The following GALNTL6 variants were observed in gnomAD, a reference collection of about 807,000 sequenced individuals.
The protein encoded by GALNTL6 is polypeptide N-acetylgalactosaminyltransferase like 6.
A neutral mutation model predicts 73.7 loss-of-function variants in GALNTL6; 46 were observed. That is an observed-to-expected ratio of 0.62 (90% CI 0.49 to 0.80). The LOEUF is 0.80. Ranked by LOEUF, GALNTL6 falls within the 30% of genes least tolerant of loss-of-function variation. The probability of loss-of-function intolerance (pLI) is 0.00; values close to 1 mark genes in which losing one functional copy is unlikely to be tolerated. For synonymous variants in GALNTL6, 259 were observed against 263.7 expected (o/e 0.98, Z 0.17); for missense variants, 604 against 755.0 (o/e 0.80, Z 2.34).
At chr4:172,679,589 G>A (rs962512930) in intron 5 of GALNTL6, among the ~76,000 whole-genome samples, 1 of 152,118 alleles carries the variant, frequency 6.6e-6, no homozygotes. Context: ...CTCTGCAAAT[G>A]ATATTGTTCT....
chr4:171,887,172 T>TTTATAACA (rs1736629046), intron 2 of GALNTL6, among the ~76,000 whole-genome samples: 5 of 152,140 alleles, frequency 3.3e-5, no homozygotes, highest in Admixed American at 2.6e-4. Context: ...GATGAAGCCC[T>TTTATAACA]TTATAACATT....
chr4:171,923,578 T>TG (rs1216091663), intron 2 of GALNTL6, among the ~76,000 whole-genome samples: 1 of 150,014 alleles, frequency 6.7e-6, no homozygotes, highest in African/African-American at 2.5e-5. Context: ...TTTTTTTTTT[T>TG]TGTATTTTTA....
chr4:171,853,012 A>ATTTTTTTTTTTT (rs765984611), intron 2 of GALNTL6, among the ~76,000 whole-genome samples: 2,384 of 86,552 alleles, frequency 0.028, no homozygotes, highest in Non-Finnish European at 0.035. Context: ...CGCCCGGCTA[A>ATTTTTTTTTTTT]TTTTTTTTTT....
intron 5 of GALNTL6, among the ~76,000 whole-genome samples, chr4:172,568,822 A>G (rs538340039): frequency 5.3e-5 from 8 of 151,244 alleles, no homozygotes; most frequent in Non-Finnish European, 1.0e-4. Context: ...CCAACCCATG[A>G]CCTGTGGGCC....
chr4:172,614,930 T>TA (rs560301387), intron 5 of GALNTL6, among the ~76,000 whole-genome samples: 4 of 151,944 alleles, frequency 2.6e-5, no homozygotes, highest in African/African-American at 4.8e-5. Context: ...GCAGAAAGTT[T>TA]AAAAAAAATG....
At chr4:172,974,847 G>A (rs954167306) in intron 10 of GALNTL6, among the ~76,000 whole-genome samples, 10 of 152,222 alleles carry the variant, frequency 6.6e-5, no homozygotes, top group African/African-American at 2.4e-4. Context: ...CTGGCTCCCT[G>A]CAAGGCTGCA....
chr4:172,546,592 G>C (rs1735760905), intron 5 of GALNTL6, among the ~76,000 whole-genome samples: 1 of 151,128 alleles, frequency 6.6e-6, no homozygotes, highest in Non-Finnish European at 1.5e-5. Flanking sequence ...AGTAGACCTG[G>C]AAAAGGACTG....
intron 2 of GALNTL6, among the ~76,000 whole-genome samples, chr4:171,987,811 C>T (rs1221716650): frequency 6.6e-6 from 1 of 151,948 alleles, no homozygotes; most frequent in African/African-American, 2.4e-5. Context: ...GGGTGAGGAA[C>T]AGGAAAGAAG....
intron 2 of GALNTL6, among the ~76,000 whole-genome samples, chr4:172,099,373 G>A (rs915796035): frequency 1.3e-5 from 2 of 152,108 alleles, no homozygotes; most frequent in South Asian, 2.1e-4. Flanking sequence ...CTCAACATAA[G>A]CTCCATCAAA....
In GALNTL6 at chr4:172,201,001, A is replaced by G. The variant is rs200126703; in HGVS notation, c.139-28655A>G. Among the ~76,000 whole-genome samples the G allele has an allele frequency of 9.8e-5, 15 of 152,366 alleles. No homozygotes were observed. The East Asian group carries it at 2.9e-3, about 29-fold the overall frequency. The stretch of plus-strand genomic sequence containing the variant: ...GCAAGCTTTATTATTGTTAGTAAAT[A>G]GTATGCTCTATGAAAGAGAAGCTGA... On this transcript the variant is annotated intron_variant, in intron 2 of 12. Coordinates refer to ENST00000506823, the MANE Select transcript of GALNTL6 (RefSeq NM_001034845.3).
At chr4:172,760,965 AG>A (rs1738049989) in intron 5 of GALNTL6, among the ~76,000 whole-genome samples, 1 of 152,226 alleles carries the variant, frequency 6.6e-6, no homozygotes, top group Non-Finnish European at 1.5e-5. Context: ...GATGAGAGTA[AG>A]AAAAAGAGGC....
chr4:171,838,740 A>G (rs1735167388), intron 2 of GALNTL6, among the ~76,000 whole-genome samples: 1 of 152,212 alleles, frequency 6.6e-6, no homozygotes, highest in Admixed American at 6.6e-5. Context: ...GCTTGGCAAT[A>G]TAAAAGACAA....
intron 2 of GALNTL6, among the ~76,000 whole-genome samples, chr4:171,895,487 A>T (rs1024053914): frequency 6.6e-6 from 1 of 152,216 alleles, no homozygotes; most frequent in African/African-American, 2.4e-5. Context: ...TGCATAAAGC[A>T]GAGTCAGAGC....
intron 2 of GALNTL6, among the ~76,000 whole-genome samples, chr4:172,187,464 T>G (rs1735448103): frequency 6.6e-6 from 1 of 152,092 alleles, no homozygotes; most frequent in Non-Finnish European, 1.5e-5. Context: ...TCAAAATAGC[T>G]CAAATTCATT....
At chr4:172,143,905 A>T (rs1733862674) in intron 2 of GALNTL6, among the ~76,000 whole-genome samples, 1 of 152,082 alleles carries the variant, frequency 6.6e-6, no homozygotes, top group Admixed American at 6.5e-5. Flanking sequence ...ATAGTAGTTT[A>T]TAATTTGCCC....
chr4:172,446,565 A>G (rs1732027303), intron 5 of GALNTL6, among the ~76,000 whole-genome samples: 1 of 152,298 alleles, frequency 6.6e-6, no homozygotes, highest in East Asian at 1.9e-4. Flanking sequence ...GCCCATGCTA[A>G]ATCTTGCAAG....
intron 5 of GALNTL6, among the ~76,000 whole-genome samples, chr4:172,402,537 A>G (rs925759903): frequency 2.6e-5 from 4 of 152,130 alleles, no homozygotes; most frequent in Non-Finnish European, 4.4e-5. Flanking sequence ...ACGTTTTTCT[A>G]AATGTTCCTT....
intron 5 of GALNTL6, among the ~76,000 whole-genome samples, chr4:172,544,787 T>G (rs1386482875): frequency 6.6e-6 from 1 of 152,228 alleles, no homozygotes; most frequent in Admixed American, 6.5e-5. Flanking sequence ...AGGTAAGAGA[T>G]AACTGTGGAA....
At chr4:172,228,890 G>A (rs1468321480) in intron 2 of GALNTL6, among the ~76,000 whole-genome samples, 1 of 152,160 alleles carries the variant, frequency 6.6e-6, no homozygotes, top group Non-Finnish European at 1.5e-5. Flanking sequence ...TAACATATCG[G>A]ACTTTGGAAA....
Sources: gnomAD v4.1 joint callset for allele counts (sites outside exome capture counted in the v4.1 genomes callset) on GRCh38, gnomAD v4.1.1 for gene constraint, MANE v1.5 for transcripts, NCBI Gene and HGNC (gene_info 2026-07-23, HGNC 2026-07-21) for gene names.